The following ADARB2 variants were observed in gnomAD, a reference collection of about 807,000 sequenced individuals.
ADARB2 encodes the protein inactive double-stranded RNA-specific editase B2.
In ADARB2, 25 loss-of-function variants were observed where a neutral mutation model predicts 62.2. That is an observed-to-expected ratio of 0.40 (90% CI 0.29 to 0.56). The LOEUF (loss-of-function observed/expected upper bound fraction) is 0.56, where lower values mean the gene tolerates loss of function less well. Among genes scored for constraint, ADARB2 ranks in the 20% least tolerant of loss-of-function variants. The pLI, the probability that ADARB2 is intolerant of heterozygous loss-of-function variation, is 0.43. For synonymous variants in ADARB2, 572 were observed against 500.8 expected (o/e 1.14, Z -1.90); for missense variants, 1,071 against 1,077.4 (o/e 0.99, Z 0.08).
chr10:1,404,817 G>C (rs988883907), intron 1 of ADARB2, among the ~76,000 whole-genome samples: 5 of 152,244 alleles, frequency 3.3e-5, no homozygotes, highest in African/African-American at 1.2e-4. Flanking sequence ...CCAAAAGGGA[G>C]CTGGAACAGA....
intron 4 of ADARB2, among the ~76,000 whole-genome samples, chr10:1,263,054 T>C (rs1215412019): frequency 1.4e-5 from 2 of 145,134 alleles, no homozygotes. Context: ...CACTGCATGT[T>C]CTCACTCATA....
At chr10:1,298,198 TA>T (rs1831540277) in intron 3 of ADARB2, among the ~76,000 whole-genome samples, 1 of 152,206 alleles carries the variant, frequency 6.6e-6, no homozygotes, top group African/African-American at 2.4e-5. Context: ...TCCGGGAGAC[TA>T]AAATGTAGGG....
At position 1,548,617 on chromosome 10, in the gene ADARB2, C is replaced by T. The variant is rs575629614; in HGVS notation, c.101-169457G>A. 1.4e-4 allele frequency among the ~76,000 whole-genome samples: 21 copies of T among 152,272 alleles called. No homozygotes were observed. The South Asian group carries it at 2.7e-3, about 20-fold the overall frequency. ...ACTAGAGGGTCAGATTTGGCAAATG[C>T]GTGGGTTGCAGTTGAAGCCACAGAT... On this transcript the variant is annotated intron_variant, in intron 1 of 9. Coordinates refer to ENST00000381312, the MANE Select transcript of ADARB2 (RefSeq NM_018702.4).
chr10:1,562,152 C>G (rs1225674779), intron 1 of ADARB2, among the ~76,000 whole-genome samples: 1 of 152,124 alleles, frequency 6.6e-6, no homozygotes, highest in East Asian at 1.9e-4. Context: ...GGAGCAGCCC[C>G]TCTCACCCCG....
At chr10:1,307,824 G>A (rs1205884411) in intron 3 of ADARB2, among the ~76,000 whole-genome samples, 8 of 119,398 alleles carry the variant, frequency 6.7e-5, no homozygotes, top group Admixed American at 1.9e-4. Flanking sequence ...GTAAACTATC[G>A]CAAGAACAAA....
At chr10:1,200,536 T>C (rs566808270) in intron 7 of ADARB2, among the ~76,000 whole-genome samples, 7 of 152,368 alleles carry the variant, frequency 4.6e-5, no homozygotes, top group Admixed American at 3.9e-4. Context: ...TATTTTAGTT[T>C]AGGGAAAAAT....
intron 1 of ADARB2, among the ~76,000 whole-genome samples, chr10:1,630,487 C>A (rs1366955155): frequency 6.6e-6 from 1 of 152,086 alleles, no homozygotes; most frequent in Non-Finnish European, 1.5e-5. Flanking sequence ...TCAGAAGCCA[C>A]GAGTCATTTA....
At chr10:1,223,214 G>T (rs1225843586) in intron 6 of ADARB2, among the ~76,000 whole-genome samples, 4 of 152,150 alleles carry the variant, frequency 2.6e-5, no homozygotes, top group East Asian at 3.9e-4. Context: ...TTGGCTCTCT[G>T]TTTGTCTGTT....
At chr10:1,268,102 A>G (rs1831223800) in intron 4 of ADARB2, among the ~76,000 whole-genome samples, 1 of 152,240 alleles carries the variant, frequency 6.6e-6, no homozygotes, top group South Asian at 2.1e-4. Flanking sequence ...CTATAATTGC[A>G]CATTACAAAC....
intron 1 of ADARB2, among the ~76,000 whole-genome samples, chr10:1,708,569 G>A (rs17156773): frequency 0.099 from 15,002 of 152,222 alleles, 1,045 homozygotes; most frequent in East Asian, 0.38. Flanking sequence ...TGCAGGAAAA[G>A]CTACAAGAAG....
chr10:1,308,760 G>A (rs1397506130), intron 3 of ADARB2, among the ~76,000 whole-genome samples: 1 of 152,154 alleles, frequency 6.6e-6, no homozygotes, highest in African/African-American at 2.4e-5. Context: ...TTATTTTTGT[G>A]GGTGATTAGC....
At chr10:1,514,178 A>AATATATAT (rs61671460) in intron 1 of ADARB2, among the ~76,000 whole-genome samples, 2,987 of 94,074 alleles carry the variant, frequency 0.032, 371 homozygotes, top group African/African-American at 0.085. Flanking sequence ...GCTGTCTCAA[A>AATATATAT]ATATATATAT....
intron 1 of ADARB2, among the ~76,000 whole-genome samples, chr10:1,405,613 G>C (rs1270600358): frequency 7.9e-6 from 1 of 127,112 alleles, no homozygotes; most frequent in Non-Finnish European, 1.6e-5. Context: ...GCCTGGAAGA[G>C]TGTGAGATTC....
chr10:1,303,575 G>A (rs1454719671), intron 3 of ADARB2, among the ~76,000 whole-genome samples: 7 of 152,106 alleles, frequency 4.6e-5, no homozygotes, highest in Non-Finnish European at 8.8e-5. Flanking sequence ...ACACATAATT[G>A]TCAGATTCAC....
chr10:1,654,106 C>T (rs934662937), intron 1 of ADARB2, among the ~76,000 whole-genome samples: 2 of 152,148 alleles, frequency 1.3e-5, no homozygotes, highest in African/African-American at 2.4e-5. Flanking sequence ...CTGCTCCTTC[C>T]CCATCACCCT....
chr10:1,290,685 T>C (rs1179879301), intron 3 of ADARB2: 1 of 152,268 alleles, frequency 6.6e-6, no homozygotes, highest in African/African-American at 2.4e-5. Context: ...TTGTGTGTGC[T>C]GACATCTGTC....
chr10:1,672,958 C>A (rs1356829687), intron 1 of ADARB2, among the ~76,000 whole-genome samples: 1 of 152,218 alleles, frequency 6.6e-6, no homozygotes, highest in African/African-American at 2.4e-5. Context: ...TCATCCAGGG[C>A]TTCTCAAATG....
At chr10:1,215,066 C>T (rs1023346633) in intron 7 of ADARB2, among the ~76,000 whole-genome samples, 1 of 152,112 alleles carries the variant, frequency 6.6e-6, no homozygotes. Flanking sequence ...CCTGCAGGGG[C>T]GGGGGCAGGT....
intron 1 of ADARB2, among the ~76,000 whole-genome samples, chr10:1,710,127 G>A (rs1834933002): frequency 6.6e-6 from 1 of 152,126 alleles, no homozygotes; most frequent in African/African-American, 2.4e-5. Context: ...GTGGCTTTAG[G>A]GGAGTCTATG....
Sources: allele counts gnomAD v4.1 joint callset (sites outside exome capture counted in the v4.1 genomes callset), GRCh38; gene constraint gnomAD v4.1.1; transcripts MANE v1.5; gene names NCBI Gene and HGNC (gene_info 2026-07-23, HGNC 2026-07-21).